Variants in SPECC1L observed in about 807,000 individuals in gnomAD.
SPECC1L encodes the protein cytospin-A.
SPECC1L carries 40 observed loss-of-function variants against 116.8 expected under a neutral mutation model. The ratio of observed to expected loss-of-function variants is 0.34; its 90% CI spans 0.27 to 0.45. SPECC1L has a LOEUF of 0.45. SPECC1L is among the 20% of genes least tolerant of loss of function. The pLI is 1.00. For missense variants in SPECC1L, 1,110 were observed against 1,373.6 expected (o/e 0.81, Z 3.03); for synonymous variants, 504 against 500.6 (o/e 1.01, Z -0.09).
chr22:24,300,219 C>T (rs2049349863), intron 2 of SPECC1L, among the ~76,000 whole-genome samples: 1 of 152,138 alleles, frequency 6.6e-6, no homozygotes. Context: ...CACTTATGAG[C>T]AAGAACATGC....
chr22:24,271,442 C>T (rs958981824), intron 1 of SPECC1L, among the ~76,000 whole-genome samples: 2 of 152,252 alleles, frequency 1.3e-5, no homozygotes, highest in Non-Finnish European at 2.9e-5. Context: ...GGGCCACAGG[C>T]GGCGGACCCC....
intron 2 of SPECC1L, among the ~76,000 whole-genome samples, chr22:24,299,249 G>A (rs2049327457): frequency 6.6e-6 from 1 of 152,070 alleles, no homozygotes; most frequent in South Asian, 2.1e-4. Flanking sequence ...TTTTATTTCA[G>A]GATAGTAAAG....
At chr22:24,273,218 C>T (rs1418575534) in intron 1 of SPECC1L, among the ~76,000 whole-genome samples, 1 of 152,040 alleles carries the variant, frequency 6.6e-6, no homozygotes. Context: ...TCTGATATTT[C>T]GAATGACTTA....
At chr22:24,393,267 C>T (rs141702604) in intron 14 of SPECC1L, among the ~76,000 whole-genome samples, 1 of 152,154 alleles carries the variant, frequency 6.6e-6, no homozygotes, top group African/African-American at 2.4e-5. Context: ...AGTGACCTGA[C>T]AGAACCTTAT....
intron 3 of SPECC1L, 84 bp from the exon 4 acceptor site, chr22:24,313,229 T>G: frequency 6.8e-7 from 1 of 1,461,334 alleles, no homozygotes; most frequent in Non-Finnish European, 9.5e-7. Flanking sequence ...GAACTTAGTA[T>G]AAAAGTCATG....
rs1176259593 is a variant in SPECC1L, at chr22:24,416,164, TGTG to T, written c.*1544_*1546del. The T allele has an allele frequency of 6.6e-6, 1 of 152,124 alleles. No homozygotes were observed. Among genetic ancestry groups the T allele is most frequent in the African/African-American group, 2.4e-5 (1 of 41,426 alleles). 9.4% of individuals were successfully genotyped at this position (152,124 alleles called of 1,614,324 possible). The stretch of plus-strand genomic sequence containing the variant: ...TTTAACGTGTCTACGTAACCTAGAA[TGTG>T]GTTATTAGGAAAGGGGCTGTGCATG... On this transcript the variant is annotated 3_prime_UTR_variant, in exon 17 of 17. Transcript: ENST00000314328.
At chr22:24,318,023 T>A (rs900974795) in intron 4 of SPECC1L, among the ~76,000 whole-genome samples, 1 of 149,172 alleles carries the variant, frequency 6.7e-6, no homozygotes, top group South Asian at 2.1e-4. Flanking sequence ...GCAGAGACGC[T>A]CCTCACTTTC....
chr22:24,314,251 G>T (rs1369962440), intron 4 of SPECC1L, among the ~76,000 whole-genome samples: 1 of 150,124 alleles, frequency 6.7e-6, no homozygotes, highest in Non-Finnish European at 1.5e-5. Flanking sequence ...GAGTTTCACC[G>T]TGTTAGCCAG....
In SPECC1L at chr22:24,347,321, A is replaced by G; in HGVS notation, c.2743+145A>G. On this transcript the variant is annotated intron_variant, in intron 11 of 16. Coordinates refer to ENST00000314328, the MANE Select transcript of SPECC1L (RefSeq NM_015330.6). ...TTGTATCAGAAGTTCACTAGTAAGT[A>G]TATCTAAATTACAAGTGGGGAAAGT... The G allele has an allele frequency of 5.9e-6, 4 of 678,466 alleles. No individual in the cohort carries two copies. In the Admixed American group the frequency reaches 9.1e-5, roughly 15 times the overall value. The allele number at this position is 678,466 out of a possible 1,614,324, so 42.0% of individuals were successfully genotyped here.
rs902126190 is a variant in SPECC1L, at chr22:24,323,075, G to T, written c.1938+157G>T. ...ACTTGGGAATGGTTTCCTTTTATTG[G>T]AATAGTGTGAAAAGTATTCTTAAGA... On this transcript the variant is annotated intron_variant, in intron 5 of 16. Coordinates refer to ENST00000314328, the MANE Select transcript of SPECC1L (RefSeq NM_015330.6). 18 of 983,730 alleles carry T rather than the reference G, an allele frequency of 1.8e-5. No individual in the cohort carries two copies. The African/African-American group carries it at 3.0e-4, about 16-fold the overall frequency. 60.9% of individuals were successfully genotyped at this position (983,730 alleles called of 1,614,324 possible).
intron 1 of SPECC1L, among the ~76,000 whole-genome samples, chr22:24,274,687 A>G (rs1307429772): frequency 6.6e-6 from 1 of 152,340 alleles, no homozygotes; most frequent in East Asian, 1.9e-4. Context: ...TTAAATCCAG[A>G]GGTTTACTTC....
intron 14 of SPECC1L, among the ~76,000 whole-genome samples, chr22:24,389,824 G>C (rs2042231568): frequency 6.6e-6 from 1 of 152,146 alleles, no homozygotes; most frequent in South Asian, 2.1e-4. Context: ...GAAGTATTAA[G>C]TATGGTACTT....
intron 14 of SPECC1L, among the ~76,000 whole-genome samples, chr22:24,395,686 G>A (rs1005238258): frequency 6.6e-6 from 1 of 152,144 alleles, no homozygotes; most frequent in Admixed American, 6.5e-5. Context: ...CTCCCAGGCT[G>A]GAGTGCAGTG....
intron 14 of SPECC1L, among the ~76,000 whole-genome samples, chr22:24,375,970 C>CA (rs565959001): frequency 0.037 from 5,548 of 150,454 alleles, 205 homozygotes; most frequent in African/African-American, 0.092. Context: ...AACAAACAAA[C>CA]AAAAAAAACA....
rs1370525647 is a variant in SPECC1L at position 24,412,709 on chromosome 22, T to TGAGC, written c.3264+3_3264+6dup. 1 of 1,614,080 alleles carries TGAGC rather than the reference T, an allele frequency of 6.2e-7. No homozygotes were observed. The highest frequency in any genetic ancestry group is 8.5e-7 in the Non-Finnish European group (1 of 1,180,016). ...AGTGTCGGCATCAAATCCACACTGG[T>TGAGC]GAGCCCTTGTCCCCCTGAGTCACTG... On this transcript the variant is annotated splice_region_variant and intron_variant, in intron 16 of 16. Transcript: ENST00000314328.
At chr22:24,302,515 A>G in intron 3 of SPECC1L, 131 bp downstream of exon 3, 1 of 1,184,916 alleles carries the variant, frequency 8.4e-7, no homozygotes. Context: ...GCCTTTGAAG[A>G]GAGCTTACAG....
At chr22:24,356,094 C>CT (rs980845274) in intron 11 of SPECC1L, among the ~76,000 whole-genome samples, 5 of 151,254 alleles carry the variant, frequency 3.3e-5, no homozygotes, top group African/African-American at 7.3e-5. Context: ...CAGCATACAG[C>CT]TTTTTTTTTA....
rs538972717 is a variant in SPECC1L, at chr22:24,383,792, A to ATTTTTTTTTTTTTT, written c.3087+14499_3087+14512dup. ...GCTGGGATTACAGGCACCCACCACT[A>ATTTTTTTTTTTTTT]TTTTTTTTTTTTTTTTTTTTTTTTT... is the stretch of plus-strand genomic sequence containing the variant. On this transcript the variant is annotated intron_variant, in intron 14 of 16. Coordinates refer to ENST00000314328, the MANE Select transcript of SPECC1L (RefSeq NM_015330.6). Among the ~76,000 whole-genome samples the ATTTTTTTTTTTTTT allele has an allele frequency of 1.4e-4, 11 of 77,326 alleles. 2 individuals are homozygous for ATTTTTTTTTTTTTT. Among genetic ancestry groups the ATTTTTTTTTTTTTT allele is most frequent in the South Asian group, 5.5e-4 (1 of 1,806 alleles). The allele number at this position is 77,326 out of a possible 152,430, so 50.7% of individuals were successfully genotyped here.
intron 2 of SPECC1L, among the ~76,000 whole-genome samples, chr22:24,286,597 CTG>C (rs1241002174): frequency 6.6e-6 from 1 of 152,098 alleles, no homozygotes; most frequent in Non-Finnish European, 1.5e-5. Context: ...TCCTCTTTTT[CTG>C]TCTTATATCT....
Sources: gnomAD v4.1 joint callset for allele counts (sites outside exome capture counted in the v4.1 genomes callset) on GRCh38, gnomAD v4.1.1 for gene constraint, MANE v1.5 for transcripts, NCBI Gene and HGNC (gene_info 2026-07-23, HGNC 2026-07-21) for gene names.